ABCA10: variants seen among roughly 807,000 people sequenced by gnomAD.
The protein encoded by ABCA10 is ATP-binding cassette sub-family A member 10.
ABCA10 carries 169 observed loss-of-function variants against 187.5 expected under a neutral mutation model. That is an observed-to-expected ratio of 0.90 (90% CI 0.80 to 1.02). The LOEUF (loss-of-function observed/expected upper bound fraction) is 1.02, where lower values mean the gene tolerates loss of function less well. Among genes scored for constraint, ABCA10 ranks in the 50% least tolerant of loss-of-function variants. The pLI is 0.00. For missense variants in ABCA10, 1,727 were observed against 1,812.4 expected (o/e 0.95, Z 0.86); for synonymous variants, 574 against 601.8 (o/e 0.95, Z 0.68).
In ABCA10 at chr17:69,208,404, C is replaced by T. The variant is rs543816266; in HGVS notation, c.1006+6300G>A. Among the ~76,000 whole-genome samples the T allele has an allele frequency of 2.7e-4, 31 of 112,882 alleles. No individual in the cohort carries two copies. The East Asian group carries it at 7.3e-3, about 26-fold the overall frequency. 74.1% of individuals were successfully genotyped at this position (112,882 alleles called of 152,430 possible). A position where few individuals can be genotyped will look rare whatever the true frequency, so the allele number is the denominator to read the frequency against. ...TGCACTCCAGTCTGAGGGGACAGGG[C>T]GAGACTCTGTCTCAAAAAAAAAAAA... is the stretch of plus-strand genomic sequence containing the variant. On this transcript the variant is annotated intron_variant, in intron 9 of 38. Transcript: ENST00000690296.
chr17:69,226,519 A>G (rs1325118528), intron 2 of ABCA10, among the ~76,000 whole-genome samples: 1 of 152,012 alleles, frequency 6.6e-6, no homozygotes, highest in Non-Finnish European at 1.5e-5. Context: ...GTTATATCTC[A>G]TAGTAACACA....
chr17:69,221,796 A>G lies in ABCA10; in HGVS notation c.299T>C (p.Ile100Thr). 2 of 1,607,386 alleles carry G rather than the reference A, an allele frequency of 1.2e-6. No homozygotes were observed. The highest frequency in any genetic ancestry group is 1.1e-5 in the South Asian group (1 of 89,658). Reference sequence around the variant, plus strand: ...GCTTTGAAGTTAGGCACTTACTTCTATAATTGCAGCATTAATTGCAGCTTG... The same window carrying G: ...GCTTTGAAGTTAGGCACTTACTTCTGTAATTGCAGCATTAATTGCAGCTTG... ...AFQAAINAAI[I>T]EVTTNHSVME... Residue 100 changes from isoleucine (I) to threonine (T), a missense_variant, in exon 5 of 39, where the codon ATA (isoleucine) becomes ACA (threonine). Ile to Thr is a moderately conservative substitution (Grantham distance 89). Coordinates refer to ENST00000690296, the MANE Select transcript of ABCA10 (RefSeq NM_001377321.1).
chr17:69,191,381 A>T, intron 16 of ABCA10, 66 bp from the exon 17 acceptor site: 2 of 1,395,612 alleles, frequency 1.4e-6, no homozygotes, highest in Non-Finnish European at 1.9e-6. Flanking sequence ...ATGAAAAGAT[A>T]GTTTTCTATT....
At position 69,211,350 on chromosome 17, in the gene ABCA10, T is replaced by TGTG. The variant is rs1217343397; in HGVS notation, c.1006+3353_1006+3354insCAC. Among the ~76,000 whole-genome samples the TGTG allele has an allele frequency of 9.5e-4, 23 of 24,294 alleles. 1 individual carries two copies. Among genetic ancestry groups the TGTG allele is most frequent in the African/African-American group, 3.0e-3 (22 of 7,264 alleles). The allele number at this position is 24,294 out of a possible 152,430, so 15.9% of individuals were successfully genotyped here. A position where few individuals can be genotyped will look rare whatever the true frequency, so the allele number is the denominator to read the frequency against. On this transcript the variant is annotated intron_variant, in intron 9 of 38. Coordinates refer to ENST00000690296, the MANE Select transcript of ABCA10 (RefSeq NM_001377321.1). The stretch of plus-strand genomic sequence containing the variant: ...ATATATATATATATATATATATATA[T>TGTG]ATATATATATACACACACACCACAT...
intron 9 of ABCA10, among the ~76,000 whole-genome samples, chr17:69,202,126 C>G (rs2074551084): frequency 6.6e-6 from 1 of 152,112 alleles, no homozygotes. Flanking sequence ...AAAGTTAAGA[C>G]AGTGCTGTGG....
At chr17:69,224,313 C>T (rs6501291) in intron 3 of ABCA10, among the ~76,000 whole-genome samples, 96,902 of 151,936 alleles carry the variant, frequency 0.64, 31,116 homozygotes, top group African/African-American at 0.7. Context: ...AGAGCTGAGA[C>T]GTTAACAGAT....
At chr17:69,194,560 T>C (rs2074484991) in intron 11 of ABCA10, 65 bp from the exon 12 acceptor site, 6 of 1,125,446 alleles carry the variant, frequency 5.3e-6, no homozygotes, top group South Asian at 1.5e-5. Flanking sequence ...GACCTTAAAA[T>C]TGGAAAAGTA....
At chr17:69,203,104 G>C (rs1392129718) in intron 9 of ABCA10, among the ~76,000 whole-genome samples, 1 of 152,130 alleles carries the variant, frequency 6.6e-6, no homozygotes, top group East Asian at 1.9e-4. Flanking sequence ...AAATATATGG[G>C]AAAGAATGGA....
At chr17:69,175,096 T>C (rs2074324711) in intron 23 of ABCA10, among the ~76,000 whole-genome samples, 1 of 152,212 alleles carries the variant, frequency 6.6e-6, no homozygotes, top group African/African-American at 2.4e-5. Context: ...TTTCATGCTA[T>C]AGTTAAAAAT....
At chr17:69,196,637 G>A (rs975602569) in intron 11 of ABCA10, among the ~76,000 whole-genome samples, 3 of 152,328 alleles carry the variant, frequency 2.0e-5, no homozygotes, top group South Asian at 2.1e-4. Context: ...CTGCAATCTC[G>A]GCACTTTGGG....
intron 27 of ABCA10, among the ~76,000 whole-genome samples, chr17:69,163,200 A>G (rs553676061): frequency 1.3e-5 from 2 of 152,206 alleles, no homozygotes; most frequent in Admixed American, 6.5e-5. Context: ...TTGGAGTCCC[A>G]TCTTGTCTAA....
intron 9 of ABCA10, among the ~76,000 whole-genome samples, chr17:69,214,372 G>A (rs1313423076): frequency 6.6e-6 from 1 of 151,274 alleles, no homozygotes; most frequent in Non-Finnish European, 1.5e-5. Flanking sequence ...AAAATTAGCT[G>A]GGCGTAGTGG....
At chr17:69,210,166 A>ATTTTT (rs1322948427) in intron 9 of ABCA10, among the ~76,000 whole-genome samples, 4 of 56,228 alleles carry the variant, frequency 7.1e-5, no homozygotes, top group African/African-American at 2.8e-4. Flanking sequence ...TTTAGTGGTT[A>ATTTTT]TTTCTTTTTT....
intron 25 of ABCA10, among the ~76,000 whole-genome samples, chr17:69,172,511 CCAATAGCTTGACCGTGGACTT>C (rs2074305547): frequency 6.6e-6 from 1 of 152,108 alleles, no homozygotes; most frequent in South Asian, 2.1e-4. Flanking sequence ...ATCAACCTTG[CCAATAGCTTGACCGTGGACTT>C]CTGACCTCTA....
intron 22 of ABCA10, chr17:69,175,786 G>A (rs866606110): frequency 2.0e-5 from 5 of 246,252 alleles, no homozygotes; most frequent in South Asian, 1.8e-4. Flanking sequence ...CCAAGTGGAT[G>A]CCTGAAACCT....
chr17:69,193,772 T>C (rs774592657), intron 13 of ABCA10, 42 bp downstream of exon 13: 1 of 1,590,698 alleles, frequency 6.3e-7, no homozygotes, highest in Admixed American at 1.9e-5. Context: ...TAGTCAAAAG[T>C]AAATTATTTC....
chr17:69,187,596 G>A (rs2074431571), intron 19 of ABCA10, 85 bp downstream of exon 19: 1 of 1,360,340 alleles, frequency 7.4e-7, no homozygotes. Context: ...TTAAATGAAT[G>A]AATAAATTAA....
Position 69,182,743 on chromosome 17 carries a change from A to G in ABCA10, c.2563T>C (p.Phe855Leu). 6.2e-7 allele frequency: 1 copy of G among 1,613,214 alleles called. No individual in the cohort carries two copies. The highest frequency in any genetic ancestry group is 8.5e-7 in the Non-Finnish European group (1 of 1,179,610). ...CQDIVLEIDD[F>L]RNRNGSDDPS... ...TCATCTGAGCCATTTCTGTTTCTAA[A>G]GTCATCTATTTCCAAAACTATATCC... Residue 855 changes from phenylalanine (F) to leucine (L), a missense_variant, in exon 21 of 39, where the codon TTT becomes CTT. Coordinates refer to ENST00000690296, the MANE Select transcript of ABCA10 (RefSeq NM_001377321.1).
intron 19 of ABCA10, 140 bp from the exon 20 acceptor site, chr17:69,185,783 T>C: frequency 1.7e-6 from 1 of 582,924 alleles, no homozygotes; most frequent in Middle Eastern, 5.1e-4. Context: ...AAACATACAG[T>C]GACAGTAATC....
Sources: allele counts gnomAD v4.1 joint callset (sites outside exome capture counted in the v4.1 genomes callset), GRCh38; gene constraint gnomAD v4.1.1; transcripts MANE v1.5; gene names NCBI Gene and HGNC (gene_info 2026-07-23, HGNC 2026-07-21).